DTX2: variants seen among roughly 807,000 people sequenced by gnomAD.
DTX2 encodes probable E3 ubiquitin-protein ligase DTX2.
Under a neutral mutation model 55.3 loss-of-function variants are expected in DTX2, and 29 were observed. The observed-to-expected ratio is 0.52, with a 90% confidence interval of 0.39 to 0.71. DTX2 has a LOEUF of 0.71. Ranked by LOEUF, DTX2 falls within the 30% of genes least tolerant of loss-of-function variation. The pLI is 0.00. For missense variants in DTX2, 537 were observed against 822.5 expected, an observed-to-expected ratio of 0.65 and a Z score of 4.25; for synonymous variants, 276 against 340.4, an observed-to-expected ratio of 0.81 and a Z score of 2.08.
At chr7:76,480,305 C>T (rs1231223309) in intron 2 of DTX2, 116 bp from the exon 3 acceptor site, 9 of 535,612 alleles carry the variant, frequency 1.7e-5, no homozygotes. Flanking sequence ...ACCCTGTAAC[C>T]AAAAAAAAAA....
intron 3 of DTX2, among the ~76,000 whole-genome samples, chr7:76,481,852 T>A (rs201473481): frequency 5.6e-5 from 2 of 35,628 alleles, no homozygotes; most frequent in East Asian, 9.2e-4. Flanking sequence ...TTTTTCGTGT[T>A]TGTTTGTTTG....
intron 5 of DTX2, among the ~76,000 whole-genome samples, chr7:76,495,344 A>G (rs1810813251): frequency 6.8e-6 from 1 of 147,844 alleles, no homozygotes; most frequent in African/African-American, 2.5e-5. Context: ...ATTGGAAGTG[A>G]GAATCAGTGA....
At position 76,505,427 on chromosome 7, in the gene DTX2, C is replaced by T. The variant is rs772565087; in HGVS notation, c.1695C>T (p.Gly565=). Residue 565 remains glycine (G), a synonymous_variant, in exon 11 of 11, where the codon GGC becomes GGT. Coordinates refer to ENST00000430490, the MANE Select transcript of DTX2 (RefSeq NM_001102594.3). The surrounding 1 kb of genome is among the most constrained non-coding windows in gnomAD (Gnocchi z 4.4). ...AGAGGCGGCTCATCTTCACAGTGGG[C>T]ACGTCCAGCACCACGGGTGAGACGG... is the stretch of plus-strand genomic sequence containing the variant. The part of the protein sequence containing the change: ...AWKRRLIFTV[G]TSSTTGETDT... 2 of 1,599,884 alleles carry T rather than the reference C, an allele frequency of 1.3e-6. No homozygotes were observed. Among genetic ancestry groups the T allele is most frequent in the South Asian group, 1.1e-5 (1 of 88,696 alleles).
At chr7:76,480,305 C>G in intron 2 of DTX2, 116 bp from the exon 3 acceptor site, 1 of 476,560 alleles carries the variant, frequency 2.1e-6, no homozygotes. Context: ...ACCCTGTAAC[C>G]AAAAAAAAAA....
Position 76,480,574 on chromosome 7 carries a change from G to A in DTX2, c.65G>A (p.Trp22Ter), listed in dbSNP as rs765850925. 2 of 1,612,790 alleles carry A rather than the reference G, an allele frequency of 1.2e-6. No individual in the cohort carries two copies. Among genetic ancestry groups the A allele is most frequent in the Non-Finnish European group, 8.5e-7 (1 of 1,179,976 alleles). The stretch of plus-strand genomic sequence containing the variant: ...ACCAGCCCCGCGGCTGTGGCCGTGT[G>A]GGAATGGCAGGACGGGCTGGGCACC... ...VYTSPAAVAV[W>*]EWQDGLGTWH... Residue 22 changes from tryptophan to a stop codon, truncating the protein, a stop_gained, in exon 3 of 11, where the codon TGG (tryptophan) becomes TAG (stop). Transcript: ENST00000430490. LOFTEE classifies it high-confidence loss of function.
At chr7:76,473,521 G>T (rs1490778145) in intron 2 of DTX2, among the ~76,000 whole-genome samples, 1 of 108,890 alleles carries the variant, frequency 9.2e-6, no homozygotes, top group Non-Finnish European at 2.0e-5. Flanking sequence ...CTCCCATTTT[G>T]CAGTCAGGTG....
At chr7:76,501,464 TG>T (rs1302416328) in intron 7 of DTX2, among the ~76,000 whole-genome samples, 1 of 151,382 alleles carries the variant, frequency 6.6e-6, no homozygotes, top group East Asian at 1.9e-4. Flanking sequence ...AGCTGCCGTC[TG>T]CACAGCCAGC....
chr7:76,475,333 C>T (rs1178597947), intron 2 of DTX2, among the ~76,000 whole-genome samples: 3 of 151,268 alleles, frequency 2.0e-5, no homozygotes, highest in African/African-American at 7.3e-5. Context: ...CAAAAAAAAC[C>T]CTTTGATCAT....
chr7:76,502,723 T>C, intron 8 of DTX2: 1 of 511,746 alleles, frequency 2.0e-6, no homozygotes, highest in Non-Finnish European at 3.5e-6. Flanking sequence ...CCTGAGAAGA[T>C]TCTGGGCTTC....
At chr7:76,480,939 T>C (rs1269385460) in intron 3 of DTX2, among the ~76,000 whole-genome samples, 162 bp downstream of exon 3, 3 of 152,208 alleles carry the variant, frequency 2.0e-5, no homozygotes, top group Non-Finnish European at 2.9e-5. Flanking sequence ...AACATCCACA[T>C]AGGTTGAGTG....
chr7:76,486,603 C>G (rs1419082383), intron 4 of DTX2, among the ~76,000 whole-genome samples: 1 of 115,862 alleles, frequency 8.6e-6, no homozygotes, highest in African/African-American at 3.4e-5. Context: ...CCTTTAAGCA[C>G]CAAAACTTGT....
At chr7:76,482,480 C>G in intron 3 of DTX2, 28 bp from the exon 4 acceptor site, 1 of 1,552,090 alleles carries the variant, frequency 6.4e-7, no homozygotes, top group Non-Finnish European at 8.7e-7. Flanking sequence ...TGCTAGCAGA[C>G]TAACCTTTTG....
chr7:76,501,259 TTCTC>T (rs1465106451), intron 7 of DTX2: 3 of 456,030 alleles, frequency 6.6e-6, no homozygotes, highest in Middle Eastern at 3.3e-4. Flanking sequence ...ACTTGTCTCT[TTCTC>T]CAGTCTGTTG....
At chr7:76,472,997 G>A (rs1054760584) in intron 2 of DTX2, among the ~76,000 whole-genome samples, 14 of 151,348 alleles carry the variant, frequency 9.3e-5, no homozygotes, top group Non-Finnish European at 1.9e-4. Flanking sequence ...TTTCTTTTCC[G>A]TTTTTTTTAA....
intron 2 of DTX2, among the ~76,000 whole-genome samples, chr7:76,472,881 C>T (rs562785135): frequency 4.1e-4 from 63 of 152,376 alleles, no homozygotes; most frequent in Non-Finnish European, 6.5e-4. Context: ...TAGTGAATAG[C>T]TTCACGTCAA....
intron 2 of DTX2, among the ~76,000 whole-genome samples, chr7:76,466,888 G>T (rs2530630): frequency 6.9e-6 from 1 of 145,262 alleles, no homozygotes; most frequent in South Asian, 2.2e-4. Flanking sequence ...GTGAGGCACC[G>T]CGCCTGGCCT....
At chr7:76,483,939 C>T (rs1333884817) in intron 4 of DTX2, among the ~76,000 whole-genome samples, 1 of 151,940 alleles carries the variant, frequency 6.6e-6, no homozygotes, top group Non-Finnish European at 1.5e-5. Flanking sequence ...CACCTGTAAT[C>T]CCAGCTACTT....
At chr7:76,474,014 C>T (rs1384399447) in intron 2 of DTX2, among the ~76,000 whole-genome samples, 9 of 140,276 alleles carry the variant, frequency 6.4e-5, no homozygotes, top group Admixed American at 2.2e-4. Context: ...CTCCACCTCC[C>T]GGGTTCAAGC....
At chr7:76,466,981 G>A (rs144508207) in intron 2 of DTX2, among the ~76,000 whole-genome samples, 1,844 of 152,006 alleles carry the variant, frequency 0.012, 16 homozygotes, top group Non-Finnish European at 0.02. Context: ...GATCACTGCC[G>A]CCCCAAATTC....
Sources: gnomAD v4.1 joint callset for allele counts (sites outside exome capture counted in the v4.1 genomes callset) on GRCh38, gnomAD v4.1.1 for gene constraint, Gnocchi (gnomAD v3.1) non-coding constraint, MANE v1.5 for transcripts, NCBI Gene and HGNC (gene_info 2026-07-23, HGNC 2026-07-21) for gene names.